Variants in ZSCAN18 observed in about 807,000 individuals in gnomAD.
The protein encoded by ZSCAN18 is zinc finger and SCAN domain-containing protein 18.
In ZSCAN18, 16 loss-of-function variants were observed where a neutral mutation model predicts 31.1. That is an observed-to-expected ratio of 0.51 (90% CI 0.35 to 0.78). The LOEUF (loss-of-function observed/expected upper bound fraction) is 0.78, where lower values mean the gene tolerates loss of function less well. Ranked by LOEUF, ZSCAN18 falls within the 30% of genes least tolerant of loss-of-function variation. The pLI, the probability that ZSCAN18 is intolerant of heterozygous loss-of-function variation, is 0.01. For synonymous variants in ZSCAN18, 375 were observed against 320.7 expected, an observed-to-expected ratio of 1.17 and a Z score of -1.81; for missense variants, 731 against 697.4, an observed-to-expected ratio of 1.05 and a Z score of -0.54.
upstream of ZSCAN18, among the ~76,000 whole-genome samples, chr19:58,102,526 C>T (rs180741360): frequency 6.6e-6 from 1 of 152,160 alleles, no homozygotes; most frequent in South Asian, 2.1e-4. Context: ...GGCTTCCCCC[C>T]ACATTATGAA....
At chr19:58,118,159 C>T in intron 1 of ZSCAN18, 1 of 486,180 alleles carries the variant, frequency 2.1e-6, no homozygotes, top group East Asian at 3.6e-5. Flanking sequence ...AGCCAGCGCC[C>T]CTAACAAGCC....
At position 58,090,534 on chromosome 19, in the gene ZSCAN18, A is replaced by G. The variant is rs1436867068; in HGVS notation, c.-119-148T>C. 1 of 636,506 alleles carries G rather than the reference A, an allele frequency of 1.6e-6. No homozygotes were observed. The highest frequency in any genetic ancestry group is 2.6e-6 in the Non-Finnish European group (1 of 388,230). The allele number at this position is 636,506 out of a possible 1,614,324, so 39.4% of individuals were successfully genotyped here. On this transcript the variant is annotated intron_variant, in intron 1 of 6. Transcript: ENST00000601144. This position sits in a 1 kb window ranked among gnomAD's most constrained non-coding sequence, Gnocchi z 4.7. ...GGCATCAGTAGAACCTCAGTGTTGT[A>G]CTCATGTAGATAAAAAGTAGCATGT...
intron 2 of ZSCAN18, among the ~76,000 whole-genome samples, chr19:58,089,323 A>G (rs867123320): frequency 7.3e-6 from 1 of 136,736 alleles, no homozygotes; most frequent in Non-Finnish European, 1.6e-5. Flanking sequence ...AAAAAAAAAA[A>G]AAAAAAAAAA....
intron 1 of ZSCAN18, among the ~76,000 whole-genome samples, chr19:58,113,870 C>T (rs969545063): frequency 2.0e-5 from 3 of 151,944 alleles, no homozygotes; most frequent in African/African-American, 4.8e-5. Context: ...CCCAGCTACT[C>T]GGGAGGCTGA....
At chr19:58,112,522 G>A (rs2074692032) in intron 1 of ZSCAN18, among the ~76,000 whole-genome samples, 1 of 152,046 alleles carries the variant, frequency 6.6e-6, no homozygotes, top group Non-Finnish European at 1.5e-5. Flanking sequence ...GTGCTGGCAG[G>A]CACCTGTAGT....
chr19:58,091,825 G>A (rs528376143), intron 1 of ZSCAN18, among the ~76,000 whole-genome samples: 2 of 152,256 alleles, frequency 1.3e-5, no homozygotes, highest in East Asian at 3.9e-4. Flanking sequence ...CCCAGGAACC[G>A]CCTGGGTCTG....
rs116025601 is a variant in ZSCAN18, at chr19:58,087,391, C to T, written c.567G>A (p.Pro189=). ...PAPSETPWLS[P]DPLFLEQRRV... ...TCCTCTGTTCCAGAAACAGGGGGTC[C>T]GGAGAAAGCCAGGCTGGGGAGAAGG... Residue 189 remains proline, a synonymous_variant, in exon 4 of 7, where the codon CCG becomes CCA. Coordinates refer to ENST00000601144, the MANE Select transcript of ZSCAN18 (RefSeq NM_001145543.2). 8.0e-4 allele frequency: 1,283 copies of T among 1,600,166 alleles called. 8 individuals are homozygous for T. The African/African-American group carries it at 0.013, about 16-fold the overall frequency.
intron 1 of ZSCAN18, chr19:58,107,924 G>C (rs746289202): frequency 9.3e-7 from 1 of 1,075,576 alleles, no homozygotes; most frequent in African/African-American, 1.7e-5. Context: ...GATTACACTC[G>C]TAGGGCTTCT....
chr19:58,107,703 G>A (rs945046072), intron 1 of ZSCAN18: 1 of 988,674 alleles, frequency 1.0e-6, no homozygotes, highest in African/African-American at 1.7e-5. Flanking sequence ...CTCTGACAAA[G>A]AGGAGGCAAA....
Position 58,106,202 on chromosome 19 carries a change from G to T in ZSCAN18, c.130+12065C>A, listed in dbSNP as rs116730298. Among the ~76,000 whole-genome samples, 760 of 152,164 alleles carry T rather than the reference G, an allele frequency of 5.0e-3. 8 individuals carry two copies. The highest frequency in any genetic ancestry group is 0.017 in the African/African-American group (697 of 41,514). ...GGATCACTTCGGCACAGGAGTTCAAGACCAGCTTGAGCAATATGGTGAGAT... is the reference window on the plus strand; with the variant it reads ...GGATCACTTCGGCACAGGAGTTCAATACCAGCTTGAGCAATATGGTGAGAT... On this transcript the variant is annotated intron_variant, in intron 1 of 1. Transcript: ENST00000595721.
At chr19:58,086,143 C>G (rs751693060) in intron 6 of ZSCAN18, 31 bp downstream of exon 6, 6 of 1,607,798 alleles carry the variant, frequency 3.7e-6, no homozygotes, top group South Asian at 1.1e-5. Context: ...AAACCCCACC[C>G]GGCCCTAACA....
chr19:58,104,294 G>A (rs998798164), intron 1 of ZSCAN18, among the ~76,000 whole-genome samples: 2 of 152,110 alleles, frequency 1.3e-5, no homozygotes, highest in Admixed American at 1.3e-4. Flanking sequence ...CAGGAGAATT[G>A]CTTGAACCTG....
At chr19:58,101,482 T>C (rs2074594090), upstream of ZSCAN18, among the ~76,000 whole-genome samples, 1 of 148,790 alleles carries the variant, frequency 6.7e-6, no homozygotes, top group South Asian at 2.1e-4. Context: ...TTTTAACTAT[T>C]CCAAGTCTTG....
upstream of ZSCAN18, among the ~76,000 whole-genome samples, chr19:58,099,705 C>G (rs2074576204): frequency 6.6e-6 from 1 of 152,164 alleles, no homozygotes; most frequent in African/African-American, 2.4e-5. Context: ...ATTTTACACT[C>G]CCACCACCAA....
intron 1 of ZSCAN18, among the ~76,000 whole-genome samples, chr19:58,104,896 G>T (rs1669834779): frequency 6.6e-6 from 1 of 152,182 alleles, no homozygotes; most frequent in South Asian, 2.1e-4. Flanking sequence ...CGCTACAGTA[G>T]ACAACAGTTT....
chr19:58,092,860 A>T, intron 1 of ZSCAN18: 1 of 282,338 alleles, frequency 3.5e-6, no homozygotes, highest in Non-Finnish European at 5.3e-6. Flanking sequence ...TGCAGCCTCA[A>T]CCTCCTGAGC....
At chr19:58,113,017 TAAAC>T (rs1217066548) in intron 1 of ZSCAN18, among the ~76,000 whole-genome samples, 1 of 136,600 alleles carries the variant, frequency 7.3e-6, no homozygotes, top group Non-Finnish European at 1.6e-5. Context: ...AATTTTCACA[TAAAC>T]AAAAGGGTCA....
chr19:58,109,644 A>C (rs976747025), intron 1 of ZSCAN18, among the ~76,000 whole-genome samples: 2 of 152,220 alleles, frequency 1.3e-5, no homozygotes, highest in Non-Finnish European at 2.9e-5. Context: ...TTTCTCAGGC[A>C]TATTATTTGA....
intron 1 of ZSCAN18, chr19:58,118,187 T>C: frequency 1.5e-6 from 1 of 669,618 alleles, no homozygotes; most frequent in Non-Finnish European, 2.3e-6. Flanking sequence ...AGAGCAGGGC[T>C]GCCGCGTACC....
Sources: allele counts gnomAD v4.1 joint callset (sites outside exome capture counted in the v4.1 genomes callset), GRCh38; gene constraint gnomAD v4.1.1; non-coding constraint Gnocchi (gnomAD v3.1); transcripts MANE v1.5; gene names NCBI Gene and HGNC (gene_info 2026-07-23, HGNC 2026-07-21).